Variants in MSRA observed in about 807,000 individuals in gnomAD.
MSRA encodes mitochondrial peptide methionine sulfoxide reductase.
Under a neutral mutation model 31.3 loss-of-function variants are expected in MSRA, and 54 were observed. The observed-to-expected ratio is 1.73, with a 90% CI of 1.39 to 2.17. MSRA has a LOEUF of 2.17. Among genes scored for constraint, MSRA ranks in the 30% most tolerant of loss-of-function variants. MSRA has a pLI of 0.00. For synonymous variants in MSRA, 169 were observed against 116.5 expected (o/e 1.45, Z -2.90); for missense variants, 507 against 300.9 (o/e 1.69, Z -5.07).
chr8:10,404,551 C>T (rs1807678503), intron 5 of MSRA, among the ~76,000 whole-genome samples: 1 of 152,246 alleles, frequency 6.6e-6, no homozygotes, highest in Non-Finnish European at 1.5e-5. Context: ...CTCCCTCCCT[C>T]ACCTACGATC....
intron 4 of MSRA, among the ~76,000 whole-genome samples, chr8:10,317,242 T>A (rs1801778280): frequency 6.6e-6 from 1 of 152,208 alleles, no homozygotes; most frequent in East Asian, 1.9e-4. Flanking sequence ...CGTAAAGTGA[T>A]CACCTAGCAA....
chr8:10,276,633 T>C (rs1799335079), intron 3 of MSRA, among the ~76,000 whole-genome samples: 1 of 152,208 alleles, frequency 6.6e-6, no homozygotes, highest in African/African-American at 2.4e-5. Flanking sequence ...ATCTCATCAT[T>C]TGGAGCAGCA....
intron 5 of MSRA, among the ~76,000 whole-genome samples, chr8:10,390,691 C>T (rs1279496079): frequency 1.3e-5 from 2 of 152,148 alleles, no homozygotes; most frequent in Non-Finnish European, 1.5e-5. Context: ...CGCATTGTTT[C>T]TGTGTGTATT....
At chr8:10,381,327 G>A (rs1025909273) in intron 5 of MSRA, among the ~76,000 whole-genome samples, 7 of 151,968 alleles carry the variant, frequency 4.6e-5, no homozygotes, top group African/African-American at 1.2e-4. Flanking sequence ...AGTCCATTCC[G>A]TACCTCCTCT....
intron 5 of MSRA, among the ~76,000 whole-genome samples, chr8:10,394,069 A>G (rs1490571911): frequency 6.6e-6 from 1 of 152,220 alleles, no homozygotes; most frequent in Non-Finnish European, 1.5e-5. Context: ...CTAGAGAGCG[A>G]CAGGAACTAT....
At chr8:10,164,918 C>T (rs1386636512) in intron 1 of MSRA, among the ~76,000 whole-genome samples, 2 of 152,174 alleles carry the variant, frequency 1.3e-5, no homozygotes, top group African/African-American at 4.8e-5. Context: ...TTCCCAGCTA[C>T]TCAGGAGGCT....
chr8:10,069,919 CAT>C (rs1797646882), intron 1 of MSRA, among the ~76,000 whole-genome samples: 1 of 152,146 alleles, frequency 6.6e-6, no homozygotes, highest in Admixed American at 6.5e-5. Flanking sequence ...TAAAATGAAA[CAT>C]GACAAAACCA....
chr8:10,376,048 G>C (rs561897090), intron 5 of MSRA, among the ~76,000 whole-genome samples: 15 of 152,288 alleles, frequency 9.8e-5, no homozygotes, highest in African/African-American at 3.6e-4. Flanking sequence ...GCCTGGGGAA[G>C]ATTGCGTCTT....
intron 1 of MSRA, among the ~76,000 whole-genome samples, chr8:10,080,096 C>G (rs887594649): frequency 3.5e-4 from 54 of 152,296 alleles, no homozygotes; most frequent in African/African-American, 1.3e-3. Flanking sequence ...GCTTTTCTCC[C>G]CCATCTTTTT....
At chr8:10,139,710 G>A (rs1802546747) in intron 1 of MSRA, among the ~76,000 whole-genome samples, 1 of 152,178 alleles carries the variant, frequency 6.6e-6, no homozygotes, top group Non-Finnish European at 1.5e-5. Context: ...TGGCTGAGTA[G>A]TAGTCCACTG....
rs373318456 is a variant in MSRA, at chr8:10,324,340, C to G, written c.543+4351C>G. Among the ~76,000 whole-genome samples the G allele has an allele frequency of 3.4e-4, 52 of 152,278 alleles. 2 individuals carry two copies. In the South Asian group the frequency reaches 9.9e-3, roughly 29 times the overall value. On this transcript the variant is annotated intron_variant, in intron 5 of 5. Coordinates refer to ENST00000317173, the MANE Select transcript of MSRA (RefSeq NM_012331.5). ...TGAGCTTGTGCGTGTGTTTGCATGC[C>G]CATGTGCATTGTAGAGGGGTGGAGC...
intron 2 of MSRA, among the ~76,000 whole-genome samples, chr8:10,235,325 A>G (rs981058724): frequency 6.6e-6 from 1 of 152,180 alleles, no homozygotes; most frequent in Non-Finnish European, 1.5e-5. Flanking sequence ...TGGATTAAGA[A>G]GGAAATGAAA....
chr8:10,367,847 C>T (rs963888664), intron 5 of MSRA, among the ~76,000 whole-genome samples: 12 of 152,290 alleles, frequency 7.9e-5, no homozygotes, highest in Middle Eastern at 3.4e-3. Flanking sequence ...ATGAGGAAGG[C>T]GTTCTAGTTT....
At chr8:10,411,063 C>G (rs1302108022) in intron 5 of MSRA, 1 of 152,048 alleles carries the variant, frequency 6.6e-6, no homozygotes, top group African/African-American at 2.4e-5. Flanking sequence ...GCAGCTTAAA[C>G]AGCCCGAATG....
At chr8:10,110,493 A>G (rs1800200747) in intron 1 of MSRA, among the ~76,000 whole-genome samples, 1 of 152,118 alleles carries the variant, frequency 6.6e-6, no homozygotes, top group Admixed American at 6.5e-5. Flanking sequence ...GAAACAGTGC[A>G]AACAAGACCA....
intron 5 of MSRA, among the ~76,000 whole-genome samples, chr8:10,380,883 G>A (rs1439308833): frequency 6.6e-6 from 1 of 150,484 alleles, no homozygotes; most frequent in Non-Finnish European, 1.5e-5. Flanking sequence ...GGGTGGGTGG[G>A]TAGATGGATG....
chr8:10,376,465 G>C (rs1805762185), intron 5 of MSRA, among the ~76,000 whole-genome samples: 1 of 152,100 alleles, frequency 6.6e-6, no homozygotes, highest in Non-Finnish European at 1.5e-5. Context: ...TTGGATCTTG[G>C]GCATGGCACA....
chr8:10,161,817 G>A (rs1804679225), intron 1 of MSRA, among the ~76,000 whole-genome samples: 1 of 150,632 alleles, frequency 6.6e-6, no homozygotes. Flanking sequence ...GGACCTTCGT[G>A]AATCCCGCCC....
chr8:10,110,836 C>T (rs1164408259), intron 1 of MSRA, among the ~76,000 whole-genome samples: 1 of 152,188 alleles, frequency 6.6e-6, no homozygotes, highest in Non-Finnish European at 1.5e-5. Context: ...CTAATTTCGA[C>T]ACGTGGCAGC....
Sources: allele counts gnomAD v4.1 joint callset (sites outside exome capture counted in the v4.1 genomes callset), GRCh38; gene constraint gnomAD v4.1.1; transcripts MANE v1.5; gene names NCBI Gene and HGNC (gene_info 2026-07-23, HGNC 2026-07-21).